QTMAN: variants seen among roughly 807,000 people sequenced by gnomAD.
QTMAN encodes the protein queuosine-tRNA mannosyltransferase.
At chr2:144,027,398 T>C in the QTMAN span, among the ~76,000 whole-genome samples, 1 of 152,184 alleles carries the variant, frequency 6.6e-6, no homozygotes, top group African/African-American at 2.4e-5. Context: ...GGCCTCACCA[T>C]TCATTCTGGG....
the QTMAN span, among the ~76,000 whole-genome samples, chr2:144,238,501 A>T: frequency 6.6e-6 from 1 of 152,154 alleles, no homozygotes; most frequent in South Asian, 2.1e-4. Flanking sequence ...AACTCAAACT[A>T]GCTGTTGCCT....
the QTMAN span, among the ~76,000 whole-genome samples, chr2:144,230,042 C>A: frequency 6.6e-6 from 1 of 152,148 alleles, no homozygotes; most frequent in Non-Finnish European, 1.5e-5. Flanking sequence ...AATGACAAAT[C>A]TCCCTTGTTT....
At chr2:144,294,790 C>T in the QTMAN span, among the ~76,000 whole-genome samples, 1 of 152,060 alleles carries the variant, frequency 6.6e-6, no homozygotes, top group Non-Finnish European at 1.5e-5. Flanking sequence ...AGAATTTTGG[C>T]TTCACATAAG....
the QTMAN span, among the ~76,000 whole-genome samples, chr2:144,192,134 T>C: frequency 4.0e-5 from 6 of 151,440 alleles, no homozygotes; most frequent in South Asian, 8.3e-4. Flanking sequence ...TTTGAGTGAG[T>C]CTCCCTCTGT....
At chr2:143,956,756 T>C in the QTMAN span, among the ~76,000 whole-genome samples, 1 of 152,136 alleles carries the variant, frequency 6.6e-6, no homozygotes, top group African/African-American at 2.4e-5. Context: ...GCACAAGACA[T>C]TAACATCCAT....
At chr2:143,966,607 G>A in the QTMAN span, among the ~76,000 whole-genome samples, 2 of 152,182 alleles carry the variant, frequency 1.3e-5, no homozygotes, top group Non-Finnish European at 2.9e-5. Context: ...CACCCACTGC[G>A]CCCAGCAGTG....
the QTMAN span, among the ~76,000 whole-genome samples, chr2:144,076,251 G>A: frequency 6.6e-6 from 1 of 151,912 alleles, no homozygotes; most frequent in Non-Finnish European, 1.5e-5. Flanking sequence ...CACCTCAAAA[G>A]AAAAAAGAAA....
the QTMAN span, among the ~76,000 whole-genome samples, chr2:144,146,165 G>A: frequency 6.7e-6 from 1 of 149,468 alleles, no homozygotes; most frequent in Non-Finnish European, 1.5e-5. Context: ...TTCAATGTAT[G>A]AGCAGGAATG....
chr2:144,273,395 G>A, the QTMAN span, among the ~76,000 whole-genome samples: 1 of 151,978 alleles, frequency 6.6e-6, no homozygotes, highest in African/African-American at 2.4e-5. Context: ...GTACAAAAGG[G>A]GTATGACAAT....
chr2:144,200,541 A>C, the QTMAN span, among the ~76,000 whole-genome samples: 2 of 152,226 alleles, frequency 1.3e-5, no homozygotes, highest in Admixed American at 6.5e-5. Flanking sequence ...AAATCTCATA[A>C]TGTTTTAAGA....
At chr2:144,076,740 C>T in the QTMAN span, among the ~76,000 whole-genome samples, 3 of 152,048 alleles carry the variant, frequency 2.0e-5, no homozygotes, top group Non-Finnish European at 4.4e-5. Flanking sequence ...AATCATAATC[C>T]TAAACTTTAT....
chr2:144,028,697 C>T, the QTMAN span, among the ~76,000 whole-genome samples: 1 of 152,246 alleles, frequency 6.6e-6, no homozygotes, highest in African/African-American at 2.4e-5. Flanking sequence ...TGTTCTTCTA[C>T]TGGAAAACAA....
the QTMAN span, among the ~76,000 whole-genome samples, chr2:144,237,947 C>T: frequency 3.9e-5 from 6 of 152,210 alleles, no homozygotes; most frequent in Admixed American, 2.6e-4. Flanking sequence ...TAGCCAGAAT[C>T]AACATAACAG....
the QTMAN span, chr2:144,319,891 C>CA: frequency 5.3e-5 from 8 of 152,122 alleles, no homozygotes; most frequent in Non-Finnish European, 1.0e-4. Context: ...ACAGTGTCAC[C>CA]AACAGCATCG....
At chr2:144,214,707 G>A in the QTMAN span, among the ~76,000 whole-genome samples, 1 of 152,136 alleles carries the variant, frequency 6.6e-6, no homozygotes, top group African/African-American at 2.4e-5. Context: ...TTGTTGTAGA[G>A]ACTAAGAACT....
At chr2:144,256,400 A>G in the QTMAN span, among the ~76,000 whole-genome samples, 1 of 152,228 alleles carries the variant, frequency 6.6e-6, no homozygotes, top group African/African-American at 2.4e-5. Context: ...CAGTTTTACC[A>G]TATTACATAT....
At chr2:144,131,062 T>C in the QTMAN span, among the ~76,000 whole-genome samples, 14 of 152,068 alleles carry the variant, frequency 9.2e-5, no homozygotes, top group South Asian at 2.3e-3. Context: ...AACAATTATA[T>C]TTATTTGAAA....
the QTMAN span, among the ~76,000 whole-genome samples, chr2:144,180,345 A>G: frequency 6.6e-6 from 1 of 152,154 alleles, no homozygotes; most frequent in Non-Finnish European, 1.5e-5. Flanking sequence ...GCTCGATGAA[A>G]TCTTTCACAT....
the QTMAN span, among the ~76,000 whole-genome samples, chr2:144,133,056 T>C: frequency 1.5e-5 from 2 of 129,778 alleles, no homozygotes; most frequent in African/African-American, 2.9e-5. Flanking sequence ...GGAAACCCTG[T>C]ATACTGTACT....
Sources: gnomAD v4.1 joint callset for allele counts (sites outside exome capture counted in the v4.1 genomes callset) on GRCh38, gnomAD v4.1.1 for gene constraint, MANE v1.5 for transcripts, NCBI Gene and HGNC (gene_info 2026-07-23, HGNC 2026-07-21) for gene names.